STXBP4: variants seen among roughly 807,000 people sequenced by gnomAD.
The protein encoded by STXBP4 is syntaxin binding protein 4.
STXBP4 carries 55 observed loss-of-function variants against 76.1 expected under a neutral mutation model. The observed-to-expected ratio is 0.72, with a 90% CI of 0.58 to 0.91. STXBP4 has a LOEUF of 0.91. STXBP4 is among the 40% of genes least tolerant of loss of function. The pLI is 0.00. For missense variants in STXBP4, 618 were observed against 636.9 expected (o/e 0.97, Z 0.32); for synonymous variants, 201 against 220.2 (o/e 0.91, Z 0.77).
intron 12 of STXBP4, among the ~76,000 whole-genome samples, chr17:55,048,095 C>CA: frequency 6.6e-6 from 1 of 151,506 alleles, no homozygotes; most frequent in African/African-American, 2.4e-5. Flanking sequence ...GCACTAGCTA[C>CA]AAAAAAAGAG....
intron 9 of STXBP4, 76 bp downstream of exon 9, chr17:55,031,340 G>T: frequency 1.7e-6 from 2 of 1,183,666 alleles, no homozygotes; most frequent in Non-Finnish European, 2.5e-6. Context: ...TTCATTAAGA[G>T]TGTTTGTTCT....
rs539088988 is a variant in STXBP4, at chr17:55,047,287, A to G, written c.1011+133A>G. On this transcript the variant is annotated intron_variant, in intron 12 of 17. Coordinates refer to ENST00000376352, the MANE Select transcript of STXBP4 (RefSeq NM_178509.6). Reference sequence around the variant, plus strand: ...CCCAGAGCTTCCTGATACATATTACATAATACAAAATAGCACAGAGCTTAA... The same window carrying G: ...CCCAGAGCTTCCTGATACATATTACGTAATACAAAATAGCACAGAGCTTAA... 9.3e-5 allele frequency: 46 copies of G among 492,250 alleles called. 1 individual carries two copies. In the South Asian group the frequency reaches 1.7e-3, roughly 18 times the overall value. The allele number at this position is 492,250 out of a possible 1,614,324, so 30.5% of individuals were successfully genotyped here. A position where few individuals can be genotyped will look rare whatever the true frequency, so the allele number is the denominator to read the frequency against.
Position 55,165,781 on chromosome 17 carries a change from C to T in STXBP4, c.*5870C>T, listed in dbSNP as rs1329799119. On this transcript the variant is annotated 3_prime_UTR_variant, in exon 18 of 18. Coordinates refer to ENST00000376352, the MANE Select transcript of STXBP4 (RefSeq NM_178509.6). ...CCATCCTGGTGAATGGGATTAGGAC[C>T]CTTATGAAAGAGGCTTCAGGGAACC... 6.6e-6 allele frequency: 1 copy of T among 152,142 alleles called. No homozygotes were observed. Among genetic ancestry groups the T allele is most frequent in the African/African-American group, 2.4e-5 (1 of 41,396 alleles). The allele number at this position is 152,142 out of a possible 1,614,324, so 9.4% of individuals were successfully genotyped here.
chr17:55,063,135 A>G (rs76426408), intron 12 of STXBP4, among the ~76,000 whole-genome samples: 1,682 of 152,336 alleles, frequency 0.011, 28 homozygotes, highest in African/African-American at 0.038. Flanking sequence ...CCCAGCTGGC[A>G]TTCCTGTTTG....
Position 54,990,867 on chromosome 17 carries a change from C to A in STXBP4, c.90C>A (p.Gly30=), listed in dbSNP as rs755860518. ...TGATTACAATTGCCAAGGAAACAGG[C>A]CTTGGCCTGAAGGTACTAGGAGGAA... ...FQMITIAKET[G]LGLKVLGGIN... The change falls in exon 4 of 18, where the codon GGC becomes GGA. Residue 30 remains glycine (G), a synonymous_variant. Transcript: ENST00000376352. The A allele has an allele frequency of 8.7e-6, 14 of 1,604,220 alleles. No individual in the cohort carries two copies. Among genetic ancestry groups the A allele is most frequent in the Non-Finnish European group, 1.2e-5 (14 of 1,176,882 alleles).
chr17:55,155,099 A>G (rs1009731400), intron 17 of STXBP4, among the ~76,000 whole-genome samples: 1 of 152,118 alleles, frequency 6.6e-6, no homozygotes, highest in African/African-American at 2.4e-5. Context: ...TTTTAGCGGC[A>G]TATTTCCAAA....
intron 17 of STXBP4, among the ~76,000 whole-genome samples, chr17:55,152,545 G>A (rs933076979): frequency 3.3e-5 from 5 of 152,114 alleles, no homozygotes; most frequent in Admixed American, 6.5e-5. Context: ...GAGGCCTCCC[G>A]CAACTTACAA....
the STXBP4 span, among the ~76,000 whole-genome samples, chr17:55,189,960 G>A: frequency 6.6e-6 from 1 of 152,278 alleles, no homozygotes; most frequent in South Asian, 2.1e-4. Context: ...ATTGTTGAAA[G>A]TAGGCAGTTC....
At chr17:55,134,092 C>T (rs562660171) in intron 16 of STXBP4, among the ~76,000 whole-genome samples, 6 of 151,868 alleles carry the variant, frequency 4.0e-5, no homozygotes, top group Admixed American at 2.6e-4. Flanking sequence ...GGGAAGAAAG[C>T]GGACAATTGT....
rs1211863841 is a variant in STXBP4, at chr17:55,168,601, A to G, written c.*8690A>G. 8.5e-5 allele frequency: 13 copies of G among 152,236 alleles called. No homozygotes were observed. 9.4% of individuals were successfully genotyped at this position (152,236 alleles called of 1,614,324 possible). On this transcript the variant is annotated 3_prime_UTR_variant, in exon 18 of 18. Coordinates refer to ENST00000376352, the MANE Select transcript of STXBP4 (RefSeq NM_178509.6). The stretch of plus-strand genomic sequence containing the variant: ...GTAAATACAAGAGAACTGTTTCAGC[A>G]TAGATTTTTAAAAATCATGTGTGTA...
Position 55,164,857 on chromosome 17 carries a change from T to C in STXBP4, c.*4946T>C, listed in dbSNP as rs1249341484. On this transcript the variant is annotated 3_prime_UTR_variant, in exon 18 of 18. Transcript: ENST00000376352. Reference sequence around the variant, plus strand: ...AGTCAGCTTCGTGAGGGCAGGGATTTTGTCTTCTTGTATTCATTTACTCAC... The same window carrying C: ...AGTCAGCTTCGTGAGGGCAGGGATTCTGTCTTCTTGTATTCATTTACTCAC... 1 of 152,428 alleles carries C rather than the reference T, an allele frequency of 6.6e-6. No homozygotes were observed. Among genetic ancestry groups the C allele is most frequent in the Non-Finnish European group, 1.5e-5 (1 of 68,060 alleles). The allele number at this position is 152,428 out of a possible 1,614,324, so 9.4% of individuals were successfully genotyped here.
chr17:55,064,075 A>G (rs1441197282), intron 12 of STXBP4, among the ~76,000 whole-genome samples: 2 of 152,202 alleles, frequency 1.3e-5, no homozygotes, highest in East Asian at 3.9e-4. Context: ...ATTGTGTTAA[A>G]TGATTTATTC....
At chr17:54,988,354 T>G (rs951194831) in intron 3 of STXBP4, among the ~76,000 whole-genome samples, 17 of 152,182 alleles carry the variant, frequency 1.1e-4, no homozygotes, top group African/African-American at 4.1e-4. Flanking sequence ...GTGAAGGACA[T>G]TCACATTTGG....
At chr17:55,210,676 A>T in the STXBP4 span, among the ~76,000 whole-genome samples, 7 of 152,238 alleles carry the variant, frequency 4.6e-5, no homozygotes, top group Non-Finnish European at 1.0e-4. Context: ...GATATTGTGT[A>T]TACTATGTGT....
intron 12 of STXBP4, 147 bp from the exon 13 acceptor site, chr17:55,072,753 A>C (rs1280471165): frequency 3.6e-6 from 2 of 556,092 alleles, no homozygotes; most frequent in Non-Finnish European, 5.6e-6. Context: ...AAATAACATA[A>C]CTATTAATTT....
At chr17:55,044,460 A>G (rs765546758) in intron 11 of STXBP4, 3 of 151,988 alleles carry the variant, frequency 2.0e-5, no homozygotes, top group Non-Finnish European at 4.4e-5. Flanking sequence ...TTGCAAATAT[A>G]TTATTTATCT....
At chr17:55,192,960 G>A in the STXBP4 span, among the ~76,000 whole-genome samples, 3 of 152,266 alleles carry the variant, frequency 2.0e-5, no homozygotes, top group Non-Finnish European at 2.9e-5. Context: ...AACCTGCAGC[G>A]ATCTCTCTGA....
At chr17:54,993,251 G>A (rs781569657) in intron 4 of STXBP4, among the ~76,000 whole-genome samples, 7 of 152,188 alleles carry the variant, frequency 4.6e-5, no homozygotes, top group Non-Finnish European at 1.0e-4. Flanking sequence ...CTAGAGGGCA[G>A]CACAGAGCTA....
chr17:55,080,037 T>G (rs2079236940), intron 15 of STXBP4, among the ~76,000 whole-genome samples: 1 of 152,164 alleles, frequency 6.6e-6, no homozygotes, highest in Non-Finnish European at 1.5e-5. Flanking sequence ...TAATCACATT[T>G]ATTTCTTTAT....
Sources: gnomAD v4.1 joint callset for allele counts (sites outside exome capture counted in the v4.1 genomes callset) on GRCh38, gnomAD v4.1.1 for gene constraint, MANE v1.5 for transcripts, NCBI Gene and HGNC (gene_info 2026-07-23, HGNC 2026-07-21) for gene names.